ATP5PD: variants seen among roughly 807,000 people sequenced by gnomAD.
ATP5PD encodes the protein ATP synthase peripheral stalk subunit d, also known as ATP synthase peripheral stalk subunit d, mitochondrial.
Under a neutral mutation model 22.6 loss-of-function variants are expected in ATP5PD, and 13 were observed. That is an observed-to-expected ratio of 0.58 (90% CI 0.37 to 0.91). The LOEUF is 0.91. Among genes scored for constraint, ATP5PD ranks in the 40% least tolerant of loss-of-function variants. The pLI, the probability that ATP5PD is intolerant of heterozygous loss-of-function variation, is 0.00. For synonymous variants in ATP5PD, 51 were observed against 65.0 expected, an observed-to-expected ratio of 0.79 and a Z score of 1.03; for missense variants, 165 against 188.0, an observed-to-expected ratio of 0.88 and a Z score of 0.72.
intron 4 of ATP5PD, 46 bp downstream of exon 4, chr17:75,040,046 C>T: frequency 1.9e-6 from 3 of 1,602,152 alleles, no homozygotes; most frequent in South Asian, 2.2e-5. Context: ...AGAGAGCTGT[C>T]AAGATCAAGA....
intron 3 of ATP5PD, 22 bp from the exon 4 acceptor site, chr17:75,040,185 A>G (rs2073145074): frequency 6.2e-7 from 1 of 1,611,448 alleles, no homozygotes; most frequent in Admixed American, 1.7e-5. Context: ...AGGGCACGGG[A>G]ACCTTCAGCG....
chr17:75,042,938 C>A (rs143068192), intron 1 of ATP5PD, among the ~76,000 whole-genome samples: 3 of 151,840 alleles, frequency 2.0e-5, no homozygotes, highest in African/African-American at 7.3e-5. Flanking sequence ...TCAAGGTGTG[C>A]GGCCAGGCGC....
intron 1 of ATP5PD, among the ~76,000 whole-genome samples, chr17:75,044,061 GT>G (rs2073187564): frequency 7.9e-6 from 1 of 126,004 alleles, no homozygotes; most frequent in Non-Finnish European, 1.6e-5. Flanking sequence ...GTTTCACTCT[GT>G]CCCCCGGGCT....
At chr17:75,042,687 G>C (rs561954059) in intron 1 of ATP5PD, 28 bp from the exon 2 acceptor site, 189 of 1,582,860 alleles carry the variant, frequency 1.2e-4, no homozygotes, top group Non-Finnish European at 1.5e-4. Context: ...TAAAAACAAG[G>C]CTTTTTTATG....
At chr17:75,045,585 A>G (rs2073206424) in intron 1 of ATP5PD, among the ~76,000 whole-genome samples, 1 of 152,358 alleles carries the variant, frequency 6.6e-6, no homozygotes, top group East Asian at 1.9e-4. Flanking sequence ...GAATTCAGCG[A>G]TATTTCTCCC....
At chr17:75,039,557 C>T (rs2073137062) in intron 4 of ATP5PD, 1 of 425,092 alleles carries the variant, frequency 2.4e-6, no homozygotes, top group African/African-American at 2.0e-5. Flanking sequence ...GGCTCAGCCA[C>T]TGAATGGTCA....
At chr17:75,046,720 C>G (rs1340188009) in intron 1 of ATP5PD, among the ~76,000 whole-genome samples, 1 of 152,254 alleles carries the variant, frequency 6.6e-6, no homozygotes, top group Admixed American at 6.5e-5. Context: ...ACAGCCGGGC[C>G]CCCCTGACCC....
intron 2 of ATP5PD, 92 bp from the exon 3 acceptor site, chr17:75,042,369 A>C: frequency 6.6e-7 from 1 of 1,506,122 alleles, no homozygotes; most frequent in Non-Finnish European, 9.1e-7. Flanking sequence ...TATGGCCTGG[A>C]GGGTCACCAC....
intron 1 of ATP5PD, among the ~76,000 whole-genome samples, chr17:75,043,092 C>G (rs557203025): frequency 4.6e-5 from 7 of 150,722 alleles, no homozygotes; most frequent in Admixed American, 1.3e-4. Flanking sequence ...CGTGGTGGCC[C>G]GCGCCATAAT....
intron 4 of ATP5PD, chr17:75,039,503 G>C (rs1370721431): frequency 5.8e-6 from 3 of 520,894 alleles, no homozygotes; most frequent in African/African-American, 1.9e-5. Flanking sequence ...GGCTGCTTCT[G>C]CAAGTTCCTC....
In ATP5PD at chr17:75,042,210, C is replaced by A; in HGVS notation, c.190G>T (p.Ala64Ser). The A allele has an allele frequency of 6.2e-7, 1 of 1,614,180 alleles. No homozygotes were observed. Among genetic ancestry groups the A allele is most frequent in the Non-Finnish European group, 8.5e-7 (1 of 1,180,002 alleles). Residue 64 changes from alanine to serine, a missense_variant, in exon 3 of 6, where the codon GCT (alanine) becomes TCT (serine). Ala to Ser is a moderately conservative substitution (Grantham distance 99, BLOSUM62 1). Coordinates refer to ENST00000301587, the MANE Select transcript of ATP5PD (RefSeq NM_006356.3). ...WAYYKANVAK[A>S]GLVDDFEKKF... ...TTCTCAAAGTCATCCACCAAGCCAG[C>A]CTTGGCCACATTGGCCTTGTAGTAA...
chr17:75,044,654 G>C (rs2073195039), intron 1 of ATP5PD, among the ~76,000 whole-genome samples: 1 of 152,000 alleles, frequency 6.6e-6, no homozygotes, highest in Non-Finnish European at 1.5e-5. Context: ...CATTTTAAGA[G>C]GTATTCAACA....
intron 1 of ATP5PD, 31 bp from the exon 2 acceptor site, chr17:75,042,690 T>G (rs749434067): frequency 1.3e-6 from 2 of 1,582,478 alleles, no homozygotes; most frequent in East Asian, 4.5e-5. Context: ...AAACAAGGCT[T>G]TTTTATGAGG....
In ATP5PD at chr17:75,042,470, A is replaced by G. The variant is rs543711750; in HGVS notation, c.122+59T>C. The stretch of plus-strand genomic sequence containing the variant: ...AAGAATTCATATGTAATTCCTTAAT[A>G]CTGTTTTGTTTCTAGATTCAGTGGC... On this transcript the variant is annotated intron_variant, in intron 2 of 5. Transcript: ENST00000301587. 6 of 1,588,202 alleles carry G rather than the reference A, an allele frequency of 3.8e-6. No homozygotes were observed. In the South Asian group the frequency reaches 5.8e-5, roughly 15 times the overall value.
chr17:75,041,094 C>T (rs2073155219), intron 3 of ATP5PD: 1 of 151,936 alleles, frequency 6.6e-6, no homozygotes. Flanking sequence ...CATGGTGGCT[C>T]ACACCTGTAC....
At chr17:75,046,344 A>G (rs2073216145) in intron 1 of ATP5PD, among the ~76,000 whole-genome samples, 1 of 152,090 alleles carries the variant, frequency 6.6e-6, no homozygotes, top group Non-Finnish European at 1.5e-5. Flanking sequence ...GGCCTCCTAA[A>G]ATTCTGGGAT....
intron 3 of ATP5PD, chr17:75,041,744 G>C (rs1488167374): frequency 6.5e-6 from 1 of 154,246 alleles, no homozygotes; most frequent in African/African-American, 2.4e-5. Flanking sequence ...AGCCCCCTGG[G>C]GCGTGGTGGC....
Position 75,039,848 on chromosome 17 carries a change from A to G in ATP5PD, c.291+244T>C, listed in dbSNP as rs2073140542. The stretch of plus-strand genomic sequence containing the variant: ...CCATCCCCAGGCAGCCACTGTAGAC[A>G]AACTACATTTTCTAGAGTCTTACAA... On this transcript the variant is annotated intron_variant, in intron 4 of 5. Transcript: ENST00000301587. 4 of 519,054 alleles carry G rather than the reference A, an allele frequency of 7.7e-6. No individual in the cohort carries two copies. The African/African-American group carries it at 7.7e-5, about 10-fold the overall frequency. 32.2% of individuals were successfully genotyped at this position (519,054 alleles called of 1,614,324 possible). A position where few individuals can be genotyped will look rare whatever the true frequency, so the allele number is the denominator to read the frequency against.
chr17:75,045,536 C>A (rs1006299337), intron 1 of ATP5PD, among the ~76,000 whole-genome samples: 2 of 152,212 alleles, frequency 1.3e-5, no homozygotes, highest in African/African-American at 4.8e-5. Context: ...CCCCTAGGTG[C>A]GCATTCTCTT....
Sources: gnomAD v4.1 joint callset for allele counts (sites outside exome capture counted in the v4.1 genomes callset) on GRCh38, gnomAD v4.1.1 for gene constraint, MANE v1.5 for transcripts, NCBI Gene and HGNC (gene_info 2026-07-23, HGNC 2026-07-21) for gene names.